LRBA: variants seen among roughly 807,000 people sequenced by gnomAD.
LRBA encodes the protein LPS responsive beige-like anchor protein, also known as lipopolysaccharide-responsive and beige-like anchor protein.
Under a neutral mutation model 330.0 loss-of-function variants are expected in LRBA, and 176 were observed. That is an observed-to-expected ratio of 0.53 (90% CI 0.47 to 0.60). The LOEUF is 0.60. LRBA is among the 20% of genes least tolerant of loss of function. The pLI is 0.00. For synonymous variants in LRBA, 1,230 were observed against 1,193.0 expected (o/e 1.03, Z -0.64); for missense variants, 3,259 against 3,444.8 (o/e 0.95, Z 1.35).
chr4:150,667,406 G>A (rs531393973), intron 37 of LRBA, among the ~76,000 whole-genome samples: 18 of 152,162 alleles, frequency 1.2e-4, no homozygotes, highest in Non-Finnish European at 2.6e-4. Context: ...CAGAGAAGCA[G>A]AGTCAGAGAG....
At chr4:150,791,783 C>T (rs543544511) in intron 34 of LRBA, among the ~76,000 whole-genome samples, 60 of 152,198 alleles carry the variant, frequency 3.9e-4, no homozygotes, top group Admixed American at 3.0e-3. Context: ...AATCCCAGCA[C>T]TTTGGGAGGC....
At chr4:150,461,053 C>CT (rs1754713818) in intron 44 of LRBA, among the ~76,000 whole-genome samples, 1 of 151,812 alleles carries the variant, frequency 6.6e-6, no homozygotes, top group East Asian at 1.9e-4. Flanking sequence ...GAACATTCAG[C>CT]TTTTTTTGTA....
intron 40 of LRBA, among the ~76,000 whole-genome samples, chr4:150,494,872 C>T (rs540694487): frequency 2.2e-4 from 34 of 152,068 alleles, no homozygotes; most frequent in African/African-American, 3.4e-4. Context: ...TGGTTGCGGG[C>T]GCCTGTAGTC....
chr4:150,346,519 T>TG, intron 48 of LRBA, among the ~76,000 whole-genome samples: 1 of 151,698 alleles, frequency 6.6e-6, no homozygotes, highest in South Asian at 2.1e-4. Flanking sequence ...CCCAGCACTG[T>TG]GGGGGGCCAA....
intron 34 of LRBA, among the ~76,000 whole-genome samples, chr4:150,783,424 G>C (rs1738560767): frequency 6.6e-6 from 1 of 152,110 alleles, no homozygotes; most frequent in Non-Finnish European, 1.5e-5. Flanking sequence ...AAGCTTTTCT[G>C]AGAAAAAGAA....
intron 47 of LRBA, among the ~76,000 whole-genome samples, chr4:150,386,060 C>T (rs1743013510): frequency 6.6e-6 from 1 of 152,042 alleles, no homozygotes; most frequent in African/African-American, 2.4e-5. Flanking sequence ...GAGGTGCAAT[C>T]AACTAAAATT....
chr4:150,433,728 T>C (rs1035666481), intron 46 of LRBA, among the ~76,000 whole-genome samples: 5 of 152,290 alleles, frequency 3.3e-5, no homozygotes, highest in Admixed American at 2.6e-4. Context: ...AGCTTTGAGA[T>C]TAGAGGTAAA....
intron 47 of LRBA, among the ~76,000 whole-genome samples, chr4:150,374,062 C>T (rs1269894702): frequency 6.6e-6 from 1 of 152,180 alleles, no homozygotes; most frequent in African/African-American, 2.4e-5. Context: ...GCCACGTTCA[C>T]CCACTCTGTA....
chr4:150,956,769 T>C (rs1389753848), intron 2 of LRBA, among the ~76,000 whole-genome samples: 1 of 149,052 alleles, frequency 6.7e-6, no homozygotes, highest in Non-Finnish European at 1.5e-5. Flanking sequence ...AAAAACCACA[T>C]GATCATCTCA....
intron 34 of LRBA, among the ~76,000 whole-genome samples, chr4:150,794,926 G>A (rs73859228): frequency 2.8e-4 from 43 of 152,232 alleles, no homozygotes; most frequent in African/African-American, 9.6e-4. Flanking sequence ...AGCCCTCTCC[G>A]ATAGTGGACT....
chr4:150,928,506 GT>G lies in LRBA; in HGVS notation c.549+9del, dbSNP rs778433490. 8.8e-6 allele frequency: 14 copies of G among 1,596,948 alleles called. No individual in the cohort carries two copies. Among genetic ancestry groups the G allele is most frequent in the Admixed American group, 1.7e-5 (1 of 58,710 alleles). On this transcript the variant is annotated intron_variant, in intron 4 of 56. Coordinates refer to ENST00000651943, the MANE Select transcript of LRBA (RefSeq NM_001364905.1). ...CTTTAAAATACCAAAGAGTACTTAA[GT>G]TTTTTTACCCATCGTCCTTTATCTC...
At chr4:150,901,949 G>A (rs997258733) in intron 13 of LRBA, among the ~76,000 whole-genome samples, 2 of 151,980 alleles carry the variant, frequency 1.3e-5, no homozygotes, top group African/African-American at 4.8e-5. Context: ...CTAACTATAT[G>A]CATAACACTG....
chr4:150,900,274 G>A, intron 13 of LRBA, 57 bp from the exon 14 acceptor site: 1 of 1,306,450 alleles, frequency 7.7e-7, no homozygotes, highest in Non-Finnish European at 1.1e-6. Context: ...TCTGTTTCCA[G>A]TAACACTTCC....
intron 48 of LRBA, among the ~76,000 whole-genome samples, chr4:150,335,557 T>C (rs1734612231): frequency 6.7e-6 from 1 of 149,828 alleles, no homozygotes; most frequent in Non-Finnish European, 1.5e-5. Flanking sequence ...CACACACACA[T>C]ATATGTATAT....
intron 41 of LRBA, among the ~76,000 whole-genome samples, chr4:150,489,137 A>G (rs1248397377): frequency 1.5e-5 from 1 of 67,686 alleles, no homozygotes; most frequent in African/African-American, 6.0e-5. Flanking sequence ...AAGAATATAT[A>G]ATATATAATA....
At chr4:150,432,666 C>T (rs553512194) in intron 46 of LRBA, among the ~76,000 whole-genome samples, 8 of 151,442 alleles carry the variant, frequency 5.3e-5, no homozygotes, top group African/African-American at 1.9e-4. Context: ...AGGATGGTCT[C>T]GATCTCCTGA....
At chr4:151,004,639 A>G (rs890192913) in intron 2 of LRBA, among the ~76,000 whole-genome samples, 8 of 152,386 alleles carry the variant, frequency 5.2e-5, no homozygotes, top group Admixed American at 2.0e-4. Context: ...AGAAACTGAC[A>G]AAAAGCAAAA....
At chr4:150,610,107 A>AAAATT in intron 37 of LRBA, among the ~76,000 whole-genome samples, 1 of 152,208 alleles carries the variant, frequency 6.6e-6, no homozygotes, top group East Asian at 1.9e-4. Context: ...TAGAGGAGGT[A>AAAATT]AAATTAGAAG....
At chr4:150,832,812 C>T (rs544921723) in intron 28 of LRBA, among the ~76,000 whole-genome samples, 13 of 152,088 alleles carry the variant, frequency 8.5e-5, no homozygotes, top group Non-Finnish European at 1.9e-4. Flanking sequence ...CTCCATTGCT[C>T]AGGCTGGAGT....
Sources: allele counts gnomAD v4.1 joint callset (sites outside exome capture counted in the v4.1 genomes callset), GRCh38; gene constraint gnomAD v4.1.1; transcripts MANE v1.5; gene names NCBI Gene and HGNC (gene_info 2026-07-23, HGNC 2026-07-21).